Variants in ABL2 observed in about 807,000 individuals in gnomAD.
The protein encoded by ABL2 is tyrosine-protein kinase ABL2.
Under a neutral mutation model 107.7 loss-of-function variants are expected in ABL2, and 49 were observed. That is an observed-to-expected ratio of 0.45 (90% CI 0.36 to 0.58). The LOEUF is 0.58. Among genes scored for constraint, ABL2 ranks in the 20% least tolerant of loss-of-function variants. ABL2 has a pLI of 0.00. For missense variants in ABL2, 1,245 were observed against 1,457.0 expected (o/e 0.85, Z 2.37); for synonymous variants, 549 against 548.6 (o/e 1.00, Z -0.01).
chr1:179,199,300 A>G (rs551566551), intron 1 of ABL2, among the ~76,000 whole-genome samples: 1 of 152,338 alleles, frequency 6.6e-6, no homozygotes, highest in Admixed American at 6.5e-5. Flanking sequence ...TCCATCCTCT[A>G]AATGACTTTG....
chr1:179,120,489 G>A (rs28914539), intron 5 of ABL2, among the ~76,000 whole-genome samples: 13 of 152,158 alleles, frequency 8.5e-5, no homozygotes, highest in African/African-American at 2.9e-4. Context: ...GGGTGAAGTG[G>A]TGTGATCTCA....
At chr1:179,202,489 T>A (rs976073081) in intron 1 of ABL2, among the ~76,000 whole-genome samples, 2 of 152,144 alleles carry the variant, frequency 1.3e-5, no homozygotes, top group Non-Finnish European at 1.5e-5. Flanking sequence ...AAAATTAACA[T>A]CACAAGAATA....
At chr1:179,155,945 C>T (rs1349188533) in intron 1 of ABL2, among the ~76,000 whole-genome samples, 19 of 152,052 alleles carry the variant, frequency 1.2e-4, no homozygotes, top group Admixed American at 1.1e-3. Flanking sequence ...ATATGGCTCA[C>T]CTCACAAACA....
intron 1 of ABL2, among the ~76,000 whole-genome samples, chr1:179,195,743 T>C (rs901888441): frequency 6.6e-6 from 1 of 152,176 alleles, no homozygotes; most frequent in South Asian, 2.1e-4. Flanking sequence ...ACAACACAGA[T>C]GTACCTTGAA....
intron 1 of ABL2, among the ~76,000 whole-genome samples, chr1:179,181,946 A>ATTTTTTTTTTTTTTTTTTTTT (rs34828452): frequency 4.4e-5 from 4 of 91,210 alleles, no homozygotes; most frequent in Non-Finnish European, 8.2e-5. Flanking sequence ...AGGCCCGGCT[A>ATTTTTTTTTTTTTTTTTTTTT]TTTTTTTTTT....
intron 1 of ABL2, among the ~76,000 whole-genome samples, chr1:179,220,599 A>C (rs186220457): frequency 6.6e-6 from 1 of 152,352 alleles, no homozygotes; most frequent in East Asian, 1.9e-4. Flanking sequence ...TTTTGACTAA[A>C]GCATGGAATA....
intron 1 of ABL2, among the ~76,000 whole-genome samples, chr1:179,208,298 C>G (rs1274394191): frequency 6.6e-6 from 1 of 151,870 alleles, no homozygotes; most frequent in Admixed American, 6.6e-5. Context: ...ACCCTTGCCC[C>G]CCCCATTCCT....
At position 179,189,818 on chromosome 1, in the gene ABL2, A is replaced by AT. The variant is rs572357567; in HGVS notation, c.157+39422dup. Among the ~76,000 whole-genome samples the AT allele has an allele frequency of 8.5e-3, 1,284 of 150,312 alleles. 15 individuals carry two copies. Among genetic ancestry groups the AT allele is most frequent in the African/African-American group, 0.03 (1,221 of 40,926 alleles). On this transcript the variant is annotated intron_variant, in intron 1 of 11. Transcript: ENST00000502732. ...AAGCGCACAAGCTGGGTGTCTTACC[A>AT]TTTTTTTTGTTTTTTTTTTGAGACG...
chr1:179,184,864 G>A (rs745674944), intron 1 of ABL2, among the ~76,000 whole-genome samples: 1 of 152,072 alleles, frequency 6.6e-6, no homozygotes, highest in Non-Finnish European at 1.5e-5. Context: ...CTTGAGCAGA[G>A]TATTATGGTA....
At chr1:179,172,500 T>C (rs1036962043) in intron 1 of ABL2, among the ~76,000 whole-genome samples, 12 of 152,190 alleles carry the variant, frequency 7.9e-5, no homozygotes, top group Admixed American at 5.9e-4. Context: ...TGTTTATTCA[T>C]CCAGGGCAAG....
At chr1:179,144,615 C>T (rs1657866211) in intron 1 of ABL2, among the ~76,000 whole-genome samples, 3 of 151,972 alleles carry the variant, frequency 2.0e-5, no homozygotes, top group African/African-American at 7.3e-5. Flanking sequence ...CTGAAACAGC[C>T]TTAGAGAAAA....
At position 179,101,996 on chromosome 1, in the gene ABL2, C is replaced by CTTTTTTTTTTTTTTTTTTTTTTTT. The variant is rs869095809; in HGVS notation, c.*5698_*5721dup. The CTTTTTTTTTTTTTTTTTTTTTTTT allele has an allele frequency of 1.9e-5, 1 of 53,886 alleles. No homozygotes were observed. Among genetic ancestry groups the CTTTTTTTTTTTTTTTTTTTTTTTT allele is most frequent in the Admixed American group, 3.5e-4 (1 of 2,856 alleles). The allele number at this position is 53,886 out of a possible 1,614,324, so 3.3% of individuals were successfully genotyped here. ...AAAAGCAAGCTTTGCATTAGAATTT[C>CTTTTTTTTTTTTTTTTTTTTTTTT]TTTTTTTTTTTTTTTTTTTTTTTTT... is the stretch of plus-strand genomic sequence containing the variant. On this transcript the variant is annotated 3_prime_UTR_variant, in exon 12 of 12. Coordinates refer to ENST00000502732, the MANE Select transcript of ABL2 (RefSeq NM_007314.4).
chr1:179,218,234 G>A (rs138659359), intron 1 of ABL2, among the ~76,000 whole-genome samples: 10 of 152,102 alleles, frequency 6.6e-5, no homozygotes, highest in South Asian at 2.1e-4. Context: ...TCTAATGTAC[G>A]AACTTTTAGA....
chr1:179,112,264 A>T (rs1230563957), intron 10 of ABL2, 45 bp downstream of exon 10: 1 of 1,525,888 alleles, frequency 6.6e-7, no homozygotes. Flanking sequence ...CACCACCACC[A>T]CTACCCAGAA....
In ABL2 at chr1:179,107,751, A is replaced by G. The variant is rs758536014; in HGVS notation, c.3516T>C (p.Cys1172=). ...GCACCACATCACTGATTTCCTGTAC[A>G]CATGACAATAAGTTATTAAGGACAG... The part of the protein sequence containing the change: ...TNPVLNNLLS[C]VQEISDVVQR The change falls in exon 12 of 12, where the codon TGT becomes TGC. Residue 1172 remains cysteine, a synonymous_variant. Transcript: ENST00000502732. 3.7e-6 allele frequency: 6 copies of G among 1,613,674 alleles called. No homozygotes were observed. The African/African-American group carries it at 8.0e-5, about 22-fold the overall frequency.
At chr1:179,124,784 A>C (rs1572646424) in intron 4 of ABL2, among the ~76,000 whole-genome samples, 1 of 152,074 alleles carries the variant, frequency 6.6e-6, no homozygotes, top group Admixed American at 6.6e-5. Flanking sequence ...AACTATACAC[A>C]AACAGAATCA....
chr1:179,227,762 G>T (rs1401855012), intron 1 of ABL2, among the ~76,000 whole-genome samples: 2 of 152,076 alleles, frequency 1.3e-5, no homozygotes, highest in African/African-American at 4.8e-5. Context: ...TCTTCAATAG[G>T]AGACATGTGG....
chr1:179,131,848 T>C (rs954794731), intron 2 of ABL2, among the ~76,000 whole-genome samples: 3 of 152,180 alleles, frequency 2.0e-5, no homozygotes, highest in Non-Finnish European at 4.4e-5. Flanking sequence ...GATATTTTGT[T>C]GTAGTAGTGG....
chr1:179,202,371 T>G (rs1374859162), intron 1 of ABL2, among the ~76,000 whole-genome samples: 1 of 152,216 alleles, frequency 6.6e-6, no homozygotes, highest in African/African-American at 2.4e-5. Flanking sequence ...AGAAATTAAC[T>G]CATGACATTT....
Sources: gnomAD v4.1 joint callset for allele counts (sites outside exome capture counted in the v4.1 genomes callset) on GRCh38, gnomAD v4.1.1 for gene constraint, MANE v1.5 for transcripts, NCBI Gene and HGNC (gene_info 2026-07-23, HGNC 2026-07-21) for gene names.